IL1RAPL1: variants seen among roughly 807,000 people sequenced by gnomAD.
The protein encoded by IL1RAPL1 is interleukin-1 receptor accessory protein-like 1.
IL1RAPL1 carries 3 observed loss-of-function variants against 48.4 expected under a neutral mutation model. That is an observed-to-expected ratio of 0.06 (90% CI 0.03 to 0.16). The LOEUF is 0.16. Ranked by LOEUF, IL1RAPL1 falls within the 10% of genes least tolerant of loss-of-function variation. The pLI is 1.00. For missense variants in IL1RAPL1, 349 were observed against 530.6 expected (o/e 0.66, Z 3.36); for synonymous variants, 185 against 187.7 (o/e 0.99, Z 0.12).
intron 3 of IL1RAPL1, among the ~76,000 whole-genome samples, chrX:29,371,849 C>T (rs780296697): frequency 8.9e-6 from 1 of 112,151 alleles, no homozygotes; most frequent in Non-Finnish European, 1.9e-5. Flanking sequence ...CATTGATGGG[C>T]ACCTAAGTTG....
intron 5 of IL1RAPL1, among the ~76,000 whole-genome samples, chrX:29,654,368 C>T (rs1162771728): frequency 9.0e-6 from 1 of 111,603 alleles, no homozygotes; most frequent in Non-Finnish European, 1.9e-5. Flanking sequence ...TGTTCTCATG[C>T]TGCTAATAAA....
At chrX:29,144,795 C>T (rs1375126960) in intron 2 of IL1RAPL1, among the ~76,000 whole-genome samples, 4 of 103,628 alleles carry the variant, frequency 3.9e-5, no homozygotes, top group Non-Finnish European at 7.8e-5. Flanking sequence ...GGTTCAATCT[C>T]AGCTCACTTC....
intron 5 of IL1RAPL1, among the ~76,000 whole-genome samples, chrX:29,449,191 C>T (rs1244942162): frequency 1.8e-5 from 2 of 111,417 alleles, no homozygotes; most frequent in Non-Finnish European, 3.8e-5. Flanking sequence ...TAAAACTTTC[C>T]CAAGATTAGT....
intron 1 of IL1RAPL1, among the ~76,000 whole-genome samples, chrX:28,624,684 A>T (rs1330073017): frequency 2.7e-5 from 3 of 111,533 alleles, no homozygotes; most frequent in African/African-American, 9.8e-5. Flanking sequence ...TCTCTCTCTT[A>T]TCTGAACTCG....
chrX:29,475,219 T>C (rs6526868), intron 5 of IL1RAPL1, among the ~76,000 whole-genome samples: 13,555 of 111,699 alleles, frequency 0.12, 1,492 homozygotes, highest in African/African-American at 0.35. Context: ...TGGAAAAATA[T>C]TACATTTTAA....
At chrX:29,593,449 C>T (rs1242307998) in intron 5 of IL1RAPL1, among the ~76,000 whole-genome samples, 1 of 112,033 alleles carries the variant, frequency 8.9e-6, no homozygotes, top group Non-Finnish European at 1.9e-5. Flanking sequence ...GAGTACATCA[C>T]TCTAGGTTCT....
intron 1 of IL1RAPL1, among the ~76,000 whole-genome samples, chrX:28,668,460 G>A (rs910422722): frequency 1.8e-5 from 2 of 112,457 alleles, no homozygotes; most frequent in South Asian, 3.6e-4. Flanking sequence ...GGGTTACGCC[G>A]TGTTGGCCAG....
chrX:28,798,179 C>T (rs1447050489), intron 2 of IL1RAPL1, among the ~76,000 whole-genome samples: 1 of 111,071 alleles, frequency 9.0e-6, no homozygotes, highest in Admixed American at 9.6e-5. Flanking sequence ...ACAGCCAAAC[C>T]ATATCAATGT....
intron 6 of IL1RAPL1, among the ~76,000 whole-genome samples, chrX:29,770,247 T>G (rs2147150912): frequency 8.9e-6 from 1 of 112,112 alleles, no homozygotes; most frequent in South Asian, 3.7e-4. Flanking sequence ...AATAGCAGAT[T>G]AGTTGCAATA....
chrX:29,582,405 T>A (rs1209673135), intron 5 of IL1RAPL1, among the ~76,000 whole-genome samples: 9 of 105,429 alleles, frequency 8.5e-5, no homozygotes, highest in South Asian at 4.0e-4. Flanking sequence ...TATTTTTTTT[T>A]ATCATACTTT....
chrX:29,867,314 A>T (rs1315500463), intron 6 of IL1RAPL1, among the ~76,000 whole-genome samples: 1 of 111,764 alleles, frequency 8.9e-6, no homozygotes. Flanking sequence ...TATCCCCTAG[A>T]ATTCCTATTT....
chrX:29,882,918 A>G (rs1932060892), intron 6 of IL1RAPL1, among the ~76,000 whole-genome samples: 1 of 111,940 alleles, frequency 8.9e-6, no homozygotes, highest in East Asian at 2.8e-4. Context: ...TTTGTGAGAA[A>G]TTCTGCAGTA....
intron 2 of IL1RAPL1, among the ~76,000 whole-genome samples, chrX:29,184,396 G>C (rs373416747): frequency 8.9e-6 from 1 of 112,288 alleles, no homozygotes; most frequent in Middle Eastern, 4.6e-3. Context: ...TGTAAGAAAT[G>C]ATATTTAAAT....
chrX:29,923,216 A>G (rs1471840645), intron 8 of IL1RAPL1, among the ~76,000 whole-genome samples: 1 of 112,220 alleles, frequency 8.9e-6, no homozygotes, highest in Non-Finnish European at 1.9e-5. Flanking sequence ...TCAGCCTTTT[A>G]TCTGCGTAAA....
chrX:29,525,987 G>A (rs1935549221), intron 5 of IL1RAPL1, among the ~76,000 whole-genome samples: 1 of 111,682 alleles, frequency 9.0e-6, no homozygotes, highest in Admixed American at 9.5e-5. Flanking sequence ...GGAGTTCAGA[G>A]TGTCATTGTA....
At chrX:29,822,693 A>G (rs1012874227) in intron 6 of IL1RAPL1, among the ~76,000 whole-genome samples, 2 of 111,567 alleles carry the variant, frequency 1.8e-5, no homozygotes, top group African/African-American at 6.5e-5. Flanking sequence ...GAAGGCAAGG[A>G]TTGGGTTTTA....
At chrX:29,591,844 C>T (rs769715927) in intron 5 of IL1RAPL1, among the ~76,000 whole-genome samples, 18 of 112,417 alleles carry the variant, frequency 1.6e-4, no homozygotes, top group Non-Finnish European at 2.4e-4. Flanking sequence ...CAGGAAGAAA[C>T]CTGCTCACAG....
At chrX:29,379,637 C>T (rs1933668795) in intron 3 of IL1RAPL1, among the ~76,000 whole-genome samples, 1 of 111,920 alleles carries the variant, frequency 8.9e-6, no homozygotes, top group Non-Finnish European at 1.9e-5. Flanking sequence ...TCACCCCTTT[C>T]CCAGGAGCCA....
intron 2 of IL1RAPL1, among the ~76,000 whole-genome samples, chrX:29,079,261 A>C (rs538293254): frequency 8.9e-6 from 1 of 111,995 alleles, no homozygotes; most frequent in East Asian, 2.8e-4. Flanking sequence ...CTACCCATTC[A>C]TTAAATGAAT....
Sources: allele counts gnomAD v4.1 joint callset (sites outside exome capture counted in the v4.1 genomes callset), GRCh38; gene constraint gnomAD v4.1.1; transcripts MANE v1.5; gene names NCBI Gene and HGNC (gene_info 2026-07-23, HGNC 2026-07-21).